CTNNA2: variants seen among roughly 807,000 people sequenced by gnomAD.
CTNNA2 encodes the protein catenin alpha 2.
Under a neutral mutation model 101.0 loss-of-function variants are expected in CTNNA2, and 42 were observed. The observed-to-expected ratio is 0.42, with a 90% CI of 0.32 to 0.54. The LOEUF (loss-of-function observed/expected upper bound fraction) is 0.54, where lower values mean the gene tolerates loss of function less well. CTNNA2 is among the 20% of genes least tolerant of loss of function. CTNNA2 has a pLI of 0.14. For synonymous variants in CTNNA2, 450 were observed against 456.4 expected (o/e 0.99, Z 0.18); for missense variants, 871 against 1,223.1 (o/e 0.71, Z 4.29).
chr2:80,422,687 A>T (rs1352285344), intron 9 of CTNNA2, among the ~76,000 whole-genome samples: 1 of 152,198 alleles, frequency 6.6e-6, no homozygotes, highest in Non-Finnish European at 1.5e-5. Context: ...TTCTCTGCAG[A>T]TGTTGAGATG....
At chr2:80,429,278 CT>C (rs955513986) in intron 9 of CTNNA2, among the ~76,000 whole-genome samples, 43 of 152,190 alleles carry the variant, frequency 2.8e-4, no homozygotes, top group African/African-American at 9.6e-4. Context: ...TATTTATAAC[CT>C]TATTTAATGC....
At chr2:79,555,668 C>G (rs1674398326) in intron 1 of CTNNA2, among the ~76,000 whole-genome samples, 1 of 152,022 alleles carries the variant, frequency 6.6e-6, no homozygotes, top group Non-Finnish European at 1.5e-5. Context: ...ATTTCTTATT[C>G]TTAGTTATGT....
chr2:80,249,451 C>T (rs1200217792), intron 7 of CTNNA2, among the ~76,000 whole-genome samples: 3 of 152,160 alleles, frequency 2.0e-5, no homozygotes, highest in Admixed American at 6.6e-5. Context: ...ATACTGTTTA[C>T]CAAGCTGTTA....
intron 1 of CTNNA2, among the ~76,000 whole-genome samples, chr2:79,514,291 G>T (rs914882318): frequency 6.6e-6 from 1 of 152,138 alleles, no homozygotes; most frequent in Non-Finnish European, 1.5e-5. Flanking sequence ...TACTCCACAG[G>T]CTTGTAAATA....
At chr2:80,363,004 C>CAAAAAAA (rs35779761) in intron 7 of CTNNA2, among the ~76,000 whole-genome samples, 1 of 114,460 alleles carries the variant, frequency 8.7e-6, no homozygotes, top group African/African-American at 2.8e-5. Flanking sequence ...GACATCGTCT[C>CAAAAAAA]AAAAAAAAAA....
chr2:80,199,095 C>G (rs1303040189), intron 7 of CTNNA2, among the ~76,000 whole-genome samples: 1 of 141,828 alleles, frequency 7.1e-6, no homozygotes, highest in Non-Finnish European at 1.5e-5. Flanking sequence ...ACAGGAGAAT[C>G]ACTGGGACCC....
chr2:79,609,368 T>C (rs1483074813), intron 1 of CTNNA2, among the ~76,000 whole-genome samples: 1 of 152,080 alleles, frequency 6.6e-6, no homozygotes, highest in Non-Finnish European at 1.5e-5. Context: ...GTGCTGTATC[T>C]GTTCACCCTA....
At chr2:80,618,879 A>G (rs938518180) in intron 17 of CTNNA2, 9 of 374,366 alleles carry the variant, frequency 2.4e-5, no homozygotes, top group Non-Finnish European at 3.3e-5. Flanking sequence ...TCAAGAGCCA[A>G]TGAGAAATCG....
rs1212974164 is a variant in CTNNA2 at position 80,303,112 on chromosome 2, G to A, written c.1057-90099G>A. 1 of 1,614,016 alleles carries A rather than the reference G, an allele frequency of 6.2e-7. No individual in the cohort carries two copies. Among genetic ancestry groups the A allele is most frequent in the Non-Finnish European group, 8.5e-7 (1 of 1,180,048 alleles). ...CCTTGTTCCTCCGCAGGCAGAGCGA[G>A]TGCAGGGAGATGAGGCGCGGGAAGT... is the stretch of plus-strand genomic sequence containing the variant. On this transcript the variant is annotated intron_variant, in intron 7 of 18. Transcript: ENST00000402739. The surrounding 1 kb of genome is among the most constrained non-coding windows in gnomAD (Gnocchi z 7.7).
At chr2:79,684,826 T>C (rs1478607720) in intron 2 of CTNNA2, among the ~76,000 whole-genome samples, 1 of 152,190 alleles carries the variant, frequency 6.6e-6, no homozygotes, top group African/African-American at 2.4e-5. Context: ...TGAAGATTTG[T>C]CCAAATTTCC....
intron 7 of CTNNA2, among the ~76,000 whole-genome samples, chr2:79,960,491 GTTGC>G (rs1313106980): frequency 6.6e-6 from 1 of 152,162 alleles, no homozygotes; most frequent in Non-Finnish European, 1.5e-5. Flanking sequence ...CTGCTTTAAT[GTTGC>G]TTGTTCAGGT....
At chr2:80,579,954 G>A (rs1695383088) in intron 13 of CTNNA2, among the ~76,000 whole-genome samples, 2 of 152,220 alleles carry the variant, frequency 1.3e-5, no homozygotes, top group Non-Finnish European at 2.9e-5. Context: ...GCCCTGGAAT[G>A]TGGTCCTACT....
intron 7 of CTNNA2, among the ~76,000 whole-genome samples, chr2:80,102,736 T>G (rs1251710247): frequency 6.6e-6 from 1 of 152,126 alleles, no homozygotes; most frequent in African/African-American, 2.4e-5. Flanking sequence ...GGTCTTGAAC[T>G]CCTGACTTCA....
At chr2:79,377,073 A>G (rs545832545) in intron 4 of CTNNA2, among the ~76,000 whole-genome samples, 2 of 151,458 alleles carry the variant, frequency 1.3e-5, no homozygotes, top group Admixed American at 6.6e-5. Context: ...TGACTTCCAC[A>G]ATGGTTGAAC....
At chr2:80,006,554 A>G (rs539535875) in intron 7 of CTNNA2, among the ~76,000 whole-genome samples, 3 of 152,110 alleles carry the variant, frequency 2.0e-5, no homozygotes, top group Admixed American at 6.5e-5. Flanking sequence ...TCCTGACCTC[A>G]GGGAAGACCA....
chr2:79,391,477 G>T (rs1208180737), intron 4 of CTNNA2, among the ~76,000 whole-genome samples: 1 of 152,148 alleles, frequency 6.6e-6, no homozygotes, highest in Admixed American at 6.5e-5. Flanking sequence ...ATGTGTTAAT[G>T]GACTGCTTAT....
At chr2:79,808,886 C>T (rs1290545118) in intron 3 of CTNNA2, among the ~76,000 whole-genome samples, 1 of 151,934 alleles carries the variant, frequency 6.6e-6, no homozygotes, top group Non-Finnish European at 1.5e-5. Flanking sequence ...GTTTGCTGCA[C>T]CCATCAAACC....
intron 3 of CTNNA2, among the ~76,000 whole-genome samples, chr2:79,855,062 TG>T (rs1681020120): frequency 6.6e-6 from 1 of 152,222 alleles, no homozygotes; most frequent in Admixed American, 6.5e-5. Context: ...CACTTGTATC[TG>T]CTTAAAATGA....
At chr2:79,867,103 G>A (rs1014073908) in intron 4 of CTNNA2, among the ~76,000 whole-genome samples, 5 of 152,026 alleles carry the variant, frequency 3.3e-5, no homozygotes, top group South Asian at 2.1e-4. Context: ...TGTTCAACTC[G>A]CAGTCCTGAA....
Sources: gnomAD v4.1 joint callset for allele counts (sites outside exome capture counted in the v4.1 genomes callset) on GRCh38, gnomAD v4.1.1 for gene constraint, Gnocchi (gnomAD v3.1) non-coding constraint, MANE v1.5 for transcripts, NCBI Gene and HGNC (gene_info 2026-07-23, HGNC 2026-07-21) for gene names.